ASTN2: variants seen among roughly 807,000 people sequenced by gnomAD.
ASTN2 encodes astrotactin 2.
ASTN2 carries 54 observed loss-of-function variants against 139.8 expected under a neutral mutation model. The observed-to-expected ratio is 0.39, with a 90% CI of 0.31 to 0.48. ASTN2 has a LOEUF of 0.48. Among genes scored for constraint, ASTN2 ranks in the 20% least tolerant of loss-of-function variants. The probability of loss-of-function intolerance (pLI) is 0.95; values close to 1 mark genes in which losing one functional copy is unlikely to be tolerated. For missense variants in ASTN2, 1,565 were observed against 1,725.1 expected (o/e 0.91, Z 1.64); for synonymous variants, 756 against 719.5 (o/e 1.05, Z -0.81).
chr9:117,393,958 A>G (rs1306237525), intron 1 of ASTN2, among the ~76,000 whole-genome samples: 4 of 152,186 alleles, frequency 2.6e-5, no homozygotes, highest in Admixed American at 6.5e-5. Context: ...GATTAATAGG[A>G]TTCATCTAGG....
At chr9:117,335,088 T>A (rs1828840779) in intron 1 of ASTN2, among the ~76,000 whole-genome samples, 1 of 152,046 alleles carries the variant, frequency 6.6e-6, no homozygotes, top group Non-Finnish European at 1.5e-5. Flanking sequence ...TAAAGTAAAA[T>A]GGCAACTTCT....
At chr9:116,591,038 C>T (rs898669891) in intron 19 of ASTN2, among the ~76,000 whole-genome samples, 4 of 152,340 alleles carry the variant, frequency 2.6e-5, no homozygotes, top group Admixed American at 2.6e-4. Context: ...GGAAGCAGGA[C>T]AAGAACTCGA....
intron 19 of ASTN2, among the ~76,000 whole-genome samples, chr9:116,565,388 C>CTCTCTCTCTATATAT (rs1564120372): frequency 2.9e-5 from 1 of 34,020 alleles, no homozygotes; most frequent in Non-Finnish European, 4.8e-5. Context: ...TCTCTCTCTC[C>CTCTCTCTCTATATAT]ATATATATAT....
chr9:117,291,047 C>T (rs898868549), intron 2 of ASTN2, among the ~76,000 whole-genome samples: 3 of 152,200 alleles, frequency 2.0e-5, no homozygotes, highest in African/African-American at 7.2e-5. Context: ...AGATGTTAAA[C>T]AGCTATTCCC....
At chr9:117,163,770 T>C (rs1233538382) in intron 3 of ASTN2, among the ~76,000 whole-genome samples, 1 of 152,072 alleles carries the variant, frequency 6.6e-6, no homozygotes, top group Non-Finnish European at 1.5e-5. Flanking sequence ...TTAATAAGTC[T>C]TTTTTCCCCC....
At chr9:117,106,709 G>A (rs141687765) in intron 4 of ASTN2, among the ~76,000 whole-genome samples, 4 of 152,170 alleles carry the variant, frequency 2.6e-5, no homozygotes, top group Admixed American at 6.5e-5. Flanking sequence ...ATATGCATAC[G>A]TTTTTACAAC....
At position 117,262,405 on chromosome 9, in the gene ASTN2, A is replaced by AT. The variant is rs1431686808; in HGVS notation, c.630+28920dup. The stretch of plus-strand genomic sequence containing the variant: ...TGATATTCTGTTTCTTTTTTTATTT[A>AT]TTTATTTATTTATTTTTTATCTCCT... On this transcript the variant is annotated intron_variant, in intron 2 of 22. Transcript: ENST00000313400. Among the ~76,000 whole-genome samples the AT allele has an allele frequency of 1.1e-4, 8 of 69,882 alleles. No homozygotes were observed. In the Admixed American group the frequency reaches 1.6e-3, roughly 14 times the overall value. 45.8% of individuals were successfully genotyped at this position (69,882 alleles called of 152,430 possible).
At chr9:116,616,385 G>C (rs950692017) in intron 19 of ASTN2, among the ~76,000 whole-genome samples, 1 of 152,198 alleles carries the variant, frequency 6.6e-6, no homozygotes, top group African/African-American at 2.4e-5. Context: ...ACTTTCTGCT[G>C]AAAGGGTCAA....
intron 2 of ASTN2, among the ~76,000 whole-genome samples, chr9:117,255,898 T>C (rs1406292653): frequency 6.6e-6 from 1 of 152,152 alleles, no homozygotes; most frequent in Non-Finnish European, 1.5e-5. Context: ...GAGCATCAAC[T>C]TCAATGTGGA....
chr9:117,146,215 G>T (rs16934346), intron 3 of ASTN2, among the ~76,000 whole-genome samples: 1 of 151,994 alleles, frequency 6.6e-6, no homozygotes, highest in Non-Finnish European at 1.5e-5. Flanking sequence ...CCTGGTACCC[G>T]CTGAGCTCTG....
intron 3 of ASTN2, among the ~76,000 whole-genome samples, chr9:117,151,203 A>G (rs1295834045): frequency 6.6e-6 from 1 of 152,046 alleles, no homozygotes; most frequent in Admixed American, 6.6e-5. Context: ...ATCTTAAACC[A>G]TTAGTCATAT....
chr9:117,354,070 G>T (rs1481650910), intron 1 of ASTN2, among the ~76,000 whole-genome samples: 1 of 152,152 alleles, frequency 6.6e-6, no homozygotes, highest in Admixed American at 6.6e-5. Flanking sequence ...ATGCAGGTTT[G>T]TTAATTGTAA....
intron 7 of ASTN2, among the ~76,000 whole-genome samples, chr9:116,978,025 T>G (rs72755700): frequency 6.6e-6 from 1 of 152,074 alleles, no homozygotes; most frequent in Admixed American, 6.6e-5. Flanking sequence ...CCTAGAAATA[T>G]TTTTTGATTT....
intron 13 of ASTN2, among the ~76,000 whole-genome samples, chr9:116,799,223 C>T (rs1389935785): frequency 6.6e-6 from 1 of 152,074 alleles, no homozygotes; most frequent in East Asian, 1.9e-4. Flanking sequence ...GACTCAGTAT[C>T]CTCAGTGGGG....
intron 2 of ASTN2, among the ~76,000 whole-genome samples, chr9:117,234,928 T>G (rs1427268193): frequency 6.6e-6 from 1 of 152,092 alleles, no homozygotes; most frequent in Non-Finnish European, 1.5e-5. Context: ...TGTCTGCTGT[T>G]TTAGTGTATT....
At chr9:116,817,324 G>A (rs897632167) in intron 12 of ASTN2, among the ~76,000 whole-genome samples, 4 of 36,960 alleles carry the variant, frequency 1.1e-4, no homozygotes, top group African/African-American at 5.0e-4. Flanking sequence ...GAAAGAATGG[G>A]TATTAATTAT....
intron 5 of ASTN2, among the ~76,000 whole-genome samples, chr9:117,073,332 T>A (rs1828186717): frequency 6.6e-6 from 1 of 152,034 alleles, no homozygotes; most frequent in African/African-American, 2.4e-5. Context: ...GCTTCTCCAC[T>A]CCACTCCTGG....
intron 10 of ASTN2, among the ~76,000 whole-genome samples, chr9:116,868,409 T>C (rs1425982822): frequency 4.6e-5 from 7 of 152,142 alleles, no homozygotes; most frequent in African/African-American, 1.4e-4. Flanking sequence ...ACTTACCCTG[T>C]GTCTTGGGCA....
At chr9:117,299,818 C>T (rs1392452563) in intron 1 of ASTN2, among the ~76,000 whole-genome samples, 1 of 152,166 alleles carries the variant, frequency 6.6e-6, no homozygotes, top group African/African-American at 2.4e-5. Flanking sequence ...GGATGGACCA[C>T]AGTCATTCTG....
Sources: gnomAD v4.1 joint callset for allele counts (sites outside exome capture counted in the v4.1 genomes callset) on GRCh38, gnomAD v4.1.1 for gene constraint, MANE v1.5 for transcripts, NCBI Gene and HGNC (gene_info 2026-07-23, HGNC 2026-07-21) for gene names.